ARRDC5: variants seen among roughly 807,000 people sequenced by gnomAD.
The protein encoded by ARRDC5 is arrestin domain-containing protein 5.
In ARRDC5, 12 loss-of-function variants were observed where a neutral mutation model predicts 13.3. The ratio of observed to expected loss-of-function variants is 0.90; its 90% CI spans 0.58 to 1.46. The LOEUF (loss-of-function observed/expected upper bound fraction) is 1.46. ARRDC5 is among the 40% of genes most tolerant of loss of function. The probability of loss-of-function intolerance (pLI) is 0.00; values close to 1 mark genes in which losing one functional copy is unlikely to be tolerated. For missense variants in ARRDC5, 406 were observed against 418.7 expected, an observed-to-expected ratio of 0.97 and a Z score of 0.26; for synonymous variants, 181 against 173.4, an observed-to-expected ratio of 1.04 and a Z score of -0.34.
the ARRDC5 span, among the ~76,000 whole-genome samples, chr19:4,908,408 C>T: frequency 1.2e-4 from 18 of 152,196 alleles, no homozygotes; most frequent in Admixed American, 3.3e-4. Context: ...AAGGGAAAGA[C>T]CAAAGTCCTC....
upstream of ARRDC5, chr19:4,903,039 T>C (rs142675088): frequency 7.7e-3 from 2,210 of 286,588 alleles, 16 homozygotes; most frequent in Non-Finnish European, 9.9e-3. Flanking sequence ...CTTTTTTTTT[T>C]TTTTTGAGAT....
chr19:4,911,143 C>T, the ARRDC5 span: 8 of 1,118,532 alleles, frequency 7.2e-6, no homozygotes, highest in Non-Finnish European at 7.4e-6. Flanking sequence ...CCAACAACCT[C>T]GTCCGGTCCC....
At chr19:4,914,825 C>T in the ARRDC5 span, among the ~76,000 whole-genome samples, 4 of 152,188 alleles carry the variant, frequency 2.6e-5, no homozygotes, top group Non-Finnish European at 1.5e-5. Flanking sequence ...ATACCCACCA[C>T]GCTGCAGCGC....
At chr19:4,912,236 C>T in the ARRDC5 span, among the ~76,000 whole-genome samples, 2 of 152,128 alleles carry the variant, frequency 1.3e-5, no homozygotes, top group Non-Finnish European at 2.9e-5. Flanking sequence ...GAGGCAGGGC[C>T]GGGCTCGACA....
chr19:4,912,242 C>T, the ARRDC5 span, among the ~76,000 whole-genome samples: 1 of 152,158 alleles, frequency 6.6e-6, no homozygotes, highest in Non-Finnish European at 1.5e-5. Flanking sequence ...GGGCCGGGCT[C>T]GACAGAGGAG....
Position 4,902,616 on chromosome 19 carries a change from G to A in ARRDC5, c.210C>T (p.Asn70=), listed in dbSNP as rs770105843. 8 of 1,613,990 alleles carry A rather than the reference G, an allele frequency of 5.0e-6. No individual in the cohort carries two copies. The highest frequency in any genetic ancestry group is 4.2e-6 in the Non-Finnish European group (5 of 1,179,900). Residue 70 remains asparagine, a synonymous_variant, in exon 1 of 3, where the codon AAC becomes AAT. Transcript: ENST00000650722. ...CDYSRNVICN[N]KADYVHKTKT... is the part of the protein sequence containing the mutation. ...TTGTCTTATGCACGTAGTCTGCCTTGTTGTTGCAAATAACATTTCTGCTAT... is the reference window on the plus strand; with the variant it reads ...TTGTCTTATGCACGTAGTCTGCCTTATTGTTGCAAATAACATTTCTGCTAT...
At chr19:4,902,205 TC>T (rs34287095) in intron 1 of ARRDC5, among the ~76,000 whole-genome samples, 13,070 of 152,076 alleles carry the variant, frequency 0.086, 672 homozygotes, top group Middle Eastern at 0.19. Context: ...CCACTGTCTC[TC>T]CCCATGAATG....
the ARRDC5 span, among the ~76,000 whole-genome samples, chr19:4,915,426 A>G: frequency 6.6e-6 from 1 of 152,240 alleles, no homozygotes; most frequent in African/African-American, 2.4e-5. Context: ...TTATAAAAAC[A>G]GGTATGGCGG....
chr19:4,910,811 AG>A, the ARRDC5 span: 2 of 1,514,826 alleles, frequency 1.3e-6, no homozygotes, highest in Non-Finnish European at 1.8e-6. Context: ...CCGACTCCTT[AG>A]AGCATGGCAT....
At chr19:4,904,751 T>TG (rs528100871), upstream of ARRDC5, among the ~76,000 whole-genome samples, 68 of 152,270 alleles carry the variant, frequency 4.5e-4, no homozygotes, top group African/African-American at 1.6e-3. Context: ...GGAGTGGGTG[T>TG]GGGGGGTGGA....
At chr19:4,914,402 T>C in the ARRDC5 span, among the ~76,000 whole-genome samples, 2 of 152,138 alleles carry the variant, frequency 1.3e-5, no homozygotes, top group African/African-American at 4.8e-5. Flanking sequence ...ACAGTCTTTT[T>C]TTTTCCCTGT....
chr19:4,907,807 G>A (rs1599229422), upstream of ARRDC5, among the ~76,000 whole-genome samples: 1 of 144,960 alleles, frequency 6.9e-6, no homozygotes, highest in Admixed American at 7.1e-5. Flanking sequence ...CTGCCTCCTG[G>A]GTTCAAGCGA....
intron 2 of ARRDC5, among the ~76,000 whole-genome samples, chr19:4,894,159 G>C (rs1446148158): frequency 6.8e-6 from 1 of 147,324 alleles, no homozygotes. Context: ...GGTGGATCAC[G>C]AGGTCAGGAG....
At chr19:4,896,349 T>TATATATATATA (rs1491487740) in intron 2 of ARRDC5, among the ~76,000 whole-genome samples, 5 of 30,644 alleles carry the variant, frequency 1.6e-4, no homozygotes, top group African/African-American at 6.4e-4. Flanking sequence ...TATATATATA[T>TATATATATATA]TTTTTTTTTT....
At chr19:4,891,750 T>C (rs149500253) in intron 2 of ARRDC5, among the ~76,000 whole-genome samples, 177 bp from the exon 3 acceptor site, 466 of 152,088 alleles carry the variant, frequency 3.1e-3, no homozygotes, top group African/African-American at 0.011. Flanking sequence ...ATGTCAGGAG[T>C]TCGAGACCAG....
chr19:4,912,548 A>G, the ARRDC5 span, among the ~76,000 whole-genome samples: 1 of 152,128 alleles, frequency 6.6e-6, no homozygotes, highest in Non-Finnish European at 1.5e-5. Context: ...GAAAACACCT[A>G]GACACACCTG....
intron 1 of ARRDC5, among the ~76,000 whole-genome samples, chr19:4,897,995 G>A (rs1441757843): frequency 2.0e-5 from 3 of 152,192 alleles, no homozygotes; most frequent in Non-Finnish European, 4.4e-5. Flanking sequence ...GCTGAGGTGG[G>A]AGGATAGCTT....
the ARRDC5 span, among the ~76,000 whole-genome samples, chr19:4,915,688 C>A: frequency 2.0e-5 from 3 of 151,662 alleles, no homozygotes; most frequent in Admixed American, 6.6e-5. Context: ...CCAGCCTGGG[C>A]GACAGAGCAA....
intron 1 of ARRDC5, among the ~76,000 whole-genome samples, chr19:4,901,431 T>G (rs991851243): frequency 3.9e-5 from 6 of 151,982 alleles, no homozygotes; most frequent in Admixed American, 3.3e-4. Context: ...CTGGCCAACG[T>G]GGTGAAACCC....
Sources: gnomAD v4.1 joint callset for allele counts (sites outside exome capture counted in the v4.1 genomes callset) on GRCh38, gnomAD v4.1.1 for gene constraint, MANE v1.5 for transcripts, NCBI Gene and HGNC (gene_info 2026-07-23, HGNC 2026-07-21) for gene names.